Variants in ZMPSTE24 observed in about 807,000 individuals in gnomAD.
ZMPSTE24 encodes CAAX prenyl protease 1 homolog.
ZMPSTE24 carries 48 observed loss-of-function variants against 56.7 expected under a neutral mutation model. The ratio of observed to expected loss-of-function variants is 0.85; its 90% CI spans 0.67 to 1.08. The LOEUF is 1.08. ZMPSTE24 is among the 50% of genes least tolerant of loss of function. The probability of loss-of-function intolerance (pLI) is 0.00; values close to 1 mark genes in which losing one functional copy is unlikely to be tolerated. For synonymous variants in ZMPSTE24, 172 were observed against 195.2 expected (o/e 0.88, Z 0.99); for missense variants, 503 against 548.7 (o/e 0.92, Z 0.83).
chr1:40,278,718 G>A (rs59874301), intron 6 of ZMPSTE24, among the ~76,000 whole-genome samples: 15 of 152,178 alleles, frequency 9.9e-5, no homozygotes, highest in Non-Finnish European at 2.2e-4. Flanking sequence ...GCAGAGCCAA[G>A]ATTTGAACCC....
chr1:40,273,537 A>AAAAATAT (rs1224234676), intron 6 of ZMPSTE24, among the ~76,000 whole-genome samples: 1 of 12,388 alleles, frequency 8.1e-5, no homozygotes, highest in Non-Finnish European at 2.0e-4. Flanking sequence ...AAAAAAAAAA[A>AAAAATAT]ATATATATAT....
intron 6 of ZMPSTE24, 109 bp downstream of exon 6, chr1:40,272,144 T>A: frequency 7.9e-7 from 1 of 1,264,304 alleles, no homozygotes. Context: ...TTTTTTCTTT[T>A]TAAAATTTGT....
At chr1:40,284,464 G>T (rs2124592337) in intron 7 of ZMPSTE24, among the ~76,000 whole-genome samples, 1 of 151,910 alleles carries the variant, frequency 6.6e-6, no homozygotes, top group South Asian at 2.1e-4. Flanking sequence ...TAAGAGAATG[G>T]GACTAGGCCC....
At position 40,285,471 on chromosome 1, in the gene ZMPSTE24, T is replaced by C. The variant is rs376604311; in HGVS notation, c.955-454T>C. 7.9e-5 allele frequency among the ~76,000 whole-genome samples: 12 copies of C among 152,264 alleles called. 1 individual carries two copies. Among genetic ancestry groups the C allele is most frequent in the East Asian group, 3.9e-4 (2 of 5,186 alleles). Reference sequence around the variant, plus strand: ...GCCAGGCTAGTCTGGAACTCCTGGCTTCAAGTTATCTGTCTGCCTCGGTTT... The same window carrying C: ...GCCAGGCTAGTCTGGAACTCCTGGCCTCAAGTTATCTGTCTGCCTCGGTTT... On this transcript the variant is annotated intron_variant, in intron 7 of 9. Transcript: ENST00000372759.
chr1:40,288,003 C>G lies in ZMPSTE24; in HGVS notation c.1059+1974C>G, dbSNP rs574128475. Among the ~76,000 whole-genome samples, 4 of 151,994 alleles carry G rather than the reference C, an allele frequency of 2.6e-5. No homozygotes were observed. In the East Asian group the frequency reaches 7.8e-4, roughly 30 times the overall value. ...ACCAGCCTGGGCAACATAGCGAGAC[C>G]CCCTTCTCTCCAAAAGGTTAAAAAA... On this transcript the variant is annotated intron_variant, in intron 8 of 9. Coordinates refer to ENST00000372759, the MANE Select transcript of ZMPSTE24 (RefSeq NM_005857.5).
rs1239149058 is a variant in ZMPSTE24, at chr1:40,293,720, A to G, written c.*1051A>G. On this transcript the variant is annotated 3_prime_UTR_variant, in exon 10 of 10. Transcript: ENST00000372759. ...GCCTGATTCTACTTTTGAAAATTAC[A>G]GTTCTTGAAATGCAGATAATGTTTA... 1.3e-5 allele frequency: 2 copies of G among 152,232 alleles called. No individual in the cohort carries two copies. The highest frequency in any genetic ancestry group is 1.3e-4 in the Admixed American group (2 of 15,286). The allele number at this position is 152,232 out of a possible 1,614,324, so 9.4% of individuals were successfully genotyped here.
intron 6 of ZMPSTE24, among the ~76,000 whole-genome samples, chr1:40,275,378 G>T (rs1279272121): frequency 1.3e-5 from 2 of 151,986 alleles, no homozygotes; most frequent in Non-Finnish European, 2.9e-5. Context: ...AGGTTGCAGT[G>T]AGTCAAGATC....
In ZMPSTE24 at chr1:40,292,603, G is replaced by T. The variant is rs1345963194; in HGVS notation, c.1362G>T (p.Met454Ile). Residue 454 changes from methionine to isoleucine, a missense_variant, in exon 10 of 10, where the codon ATG becomes ATT. Coordinates refer to ENST00000372759, the MANE Select transcript of ZMPSTE24 (RefSeq NM_005857.5). Reference protein sequence around the residue: ...GFPVSDWLFSMWHYSHPPLLE... With the variant: ...GFPVSDWLFSIWHYSHPPLLE... ...CTGTTTCTGACTGGTTGTTCTCAAT[G>T]TGGCATTATTCTCATCCTCCACTGC... is the stretch of plus-strand genomic sequence containing the variant. 3 of 1,614,092 alleles carry T rather than the reference G, an allele frequency of 1.9e-6. No individual in the cohort carries two copies. The highest frequency in any genetic ancestry group is 2.2e-5 in the East Asian group (1 of 44,868).
At chr1:40,282,305 GATTAGC>G (rs1336994588) in intron 7 of ZMPSTE24, among the ~76,000 whole-genome samples, 4 of 152,182 alleles carry the variant, frequency 2.6e-5, no homozygotes, top group Admixed American at 6.5e-5. Flanking sequence ...GACTGATATT[GATTAGC>G]AGAATTTAAA....
chr1:40,273,791 C>A (rs2124584733), intron 6 of ZMPSTE24, among the ~76,000 whole-genome samples: 1 of 151,158 alleles, frequency 6.6e-6, no homozygotes, highest in East Asian at 1.9e-4. Flanking sequence ...AAGGAGCAAC[C>A]TAAGTTGCTG....
chr1:40,271,695 A>G (rs774540177), intron 5 of ZMPSTE24, among the ~76,000 whole-genome samples, 199 bp from the exon 6 acceptor site: 1 of 152,200 alleles, frequency 6.6e-6, no homozygotes, highest in Non-Finnish European at 1.5e-5. Flanking sequence ...CAGACTACTC[A>G]TTTCAATTTA....
At chr1:40,260,320 C>T (rs2124575124) in intron 1 of ZMPSTE24, among the ~76,000 whole-genome samples, 1 of 152,168 alleles carries the variant, frequency 6.6e-6, no homozygotes, top group Admixed American at 6.5e-5. Flanking sequence ...CCCTGTCTTC[C>T]AAACTGCTGG....
intron 7 of ZMPSTE24, among the ~76,000 whole-genome samples, chr1:40,283,658 ATCACAC>A (rs1643753793): frequency 6.6e-6 from 1 of 152,166 alleles, no homozygotes; most frequent in African/African-American, 2.4e-5. Flanking sequence ...TGTTATATGC[ATCACAC>A]TGTTTTCATC....
At chr1:40,261,384 C>G (rs1407781945) in intron 2 of ZMPSTE24, among the ~76,000 whole-genome samples, 1 of 151,576 alleles carries the variant, frequency 6.6e-6, no homozygotes, top group East Asian at 1.9e-4. Context: ...CAGTCTTGCT[C>G]TGTCACCCAG....
chr1:40,276,945 A>G (rs1643676761), intron 6 of ZMPSTE24, among the ~76,000 whole-genome samples: 1 of 152,106 alleles, frequency 6.6e-6, no homozygotes, highest in South Asian at 2.1e-4. Context: ...GGTGATAGGA[A>G]TTTTTCAGCT....
intron 6 of ZMPSTE24, among the ~76,000 whole-genome samples, chr1:40,280,397 A>G (rs1031188010): frequency 5.9e-5 from 9 of 152,096 alleles, no homozygotes; most frequent in African/African-American, 1.7e-4. Context: ...TTTGAACTCA[A>G]AGAAGAAAAT....
intron 5 of ZMPSTE24, among the ~76,000 whole-genome samples, chr1:40,271,632 C>T (rs1643615150): frequency 6.6e-6 from 1 of 152,178 alleles, no homozygotes; most frequent in East Asian, 1.9e-4. Flanking sequence ...AGATTTTAAT[C>T]ACTGTTAGTA....
chr1:40,294,044 G>A lies in ZMPSTE24; in HGVS notation c.*1375G>A, dbSNP rs1283070345. The A allele has an allele frequency of 1.3e-5, 2 of 152,654 alleles. No homozygotes were observed. Among genetic ancestry groups the A allele is most frequent in the Non-Finnish European group, 2.9e-5 (2 of 68,040 alleles). The allele number at this position is 152,654 out of a possible 1,614,324, so 9.5% of individuals were successfully genotyped here. On this transcript the variant is annotated 3_prime_UTR_variant, in exon 10 of 10. Coordinates refer to ENST00000372759, the MANE Select transcript of ZMPSTE24 (RefSeq NM_005857.5). ...TTTATTTTCCTAAGGCTAAAGAGGA[G>A]CAGTCCTATGCTTTTATTCAGCATC... is the stretch of plus-strand genomic sequence containing the variant.
rs1200480239 is a variant in ZMPSTE24, at chr1:40,269,315, AG to A, written c.475-659del. ...GAGGCTAAAGCAGGAGGATTGCTTG[AG>A]CCCAGGAGGTTGAGGCTACGGTGAG... On this transcript the variant is annotated intron_variant, in intron 4 of 9. Coordinates refer to ENST00000372759, the MANE Select transcript of ZMPSTE24 (RefSeq NM_005857.5). Among the ~76,000 whole-genome samples the A allele has an allele frequency of 3.9e-5, 6 of 152,042 alleles. 1 individual carries two copies. The South Asian group carries it at 1.2e-3, about 31-fold the overall frequency.
Sources: allele counts gnomAD v4.1 joint callset (sites outside exome capture counted in the v4.1 genomes callset), GRCh38; gene constraint gnomAD v4.1.1; transcripts MANE v1.5; gene names NCBI Gene and HGNC (gene_info 2026-07-23, HGNC 2026-07-21).